The following LIN7C variants were observed in gnomAD, a reference collection of about 807,000 sequenced individuals.
LIN7C encodes the protein lin-7 cell polarity scaffold C.
LIN7C carries 17 observed loss-of-function variants against 24.7 expected under a neutral mutation model. That is an observed-to-expected ratio of 0.69 (90% CI 0.47 to 1.03). The LOEUF is 1.03. Among genes scored for constraint, LIN7C ranks in the 50% least tolerant of loss-of-function variants. The pLI is 0.00. For synonymous variants in LIN7C, 90 were observed against 83.4 expected, an observed-to-expected ratio of 1.08 and a Z score of -0.43; for missense variants, 204 against 239.0, an observed-to-expected ratio of 0.85 and a Z score of 0.97.
In LIN7C at chr11:27,496,816, CTAAAA is replaced by C; in HGVS notation, c.*1828_*1832del. Reference sequence around the variant, plus strand: ...AAAAGCTACTGCAGCTGTAGCTATACTAAAATAAGATTTCTTCAGGGTTTACTTAC... The same window carrying C: ...AAAAGCTACTGCAGCTGTAGCTATACTAAGATTTCTTCAGGGTTTACTTAC... On this transcript the variant is annotated 3_prime_UTR_variant, in exon 5 of 5. Transcript: ENST00000278193. The C allele has an allele frequency of 6.6e-6, 1 of 152,298 alleles. No homozygotes were observed. Among genetic ancestry groups the C allele is most frequent in the East Asian group, 1.9e-4 (1 of 5,188 alleles). The allele number at this position is 152,298 out of a possible 1,614,324, so 9.4% of individuals were successfully genotyped here.
At position 27,498,755 on chromosome 11, in the gene LIN7C, G is replaced by A. The variant is rs762939534; in HGVS notation, c.488C>T (p.Ala163Val). The change falls in exon 5 of 5, where the codon GCA becomes GTA. Residue 163 changes from alanine (A) to valine (V), a missense_variant. This residue lies in a region of LIN7C where 74 missense variants were observed against 99.6 expected (regional missense o/e 0.74). Transcript: ENST00000278193. Reference sequence around the variant, plus strand: ...TACCACTAATTTAACCTTTCCTTGTGCGGCTTTCAGCAGTTCTACAGCTTT... The same window carrying A: ...TACCACTAATTTAACCTTTCCTTGTACGGCTTTCAGCAGTTCTACAGCTTT... ...HEKAVELLKA[A>V]QGKVKLVVRY... 3 of 1,613,756 alleles carry A rather than the reference G, an allele frequency of 1.9e-6. No individual in the cohort carries two copies. Among genetic ancestry groups the A allele is most frequent in the South Asian group, 1.1e-5 (1 of 91,066 alleles).
rs1352447440 is a variant in LIN7C, at chr11:27,501,489, A to T, written c.228+6T>A. 6 of 1,577,664 alleles carry T rather than the reference A, an allele frequency of 3.8e-6. No homozygotes were observed. Among genetic ancestry groups the T allele is most frequent in the Non-Finnish European group, 4.3e-6 (5 of 1,162,962 alleles). ...ATTCTTACTTTTGGAAAACAAAAAAATTTACCTTTGCAGTAGCGTTCGCTC... is the reference window on the plus strand; with the variant it reads ...ATTCTTACTTTTGGAAAACAAAAAATTTTACCTTTGCAGTAGCGTTCGCTC... On this transcript the variant is annotated splice_donor_region_variant and intron_variant, in intron 3 of 4. Coordinates refer to ENST00000278193, the MANE Select transcript of LIN7C (RefSeq NM_018362.4).
At chr11:27,500,290 A>G (rs1421085020) in intron 3 of LIN7C, among the ~76,000 whole-genome samples, 1 of 152,136 alleles carries the variant, frequency 6.6e-6, no homozygotes, top group Non-Finnish European at 1.5e-5. Flanking sequence ...GCAGGACACA[A>G]CCTACCTATA....
chr11:27,503,322 G>A (rs1323740850), intron 1 of LIN7C, among the ~76,000 whole-genome samples: 1 of 152,108 alleles, frequency 6.6e-6, no homozygotes, highest in Non-Finnish European at 1.5e-5. Context: ...TCCAAAAACT[G>A]TTTTGGTATA....
intron 1 of LIN7C, among the ~76,000 whole-genome samples, chr11:27,505,514 C>T (rs980984319): frequency 4.6e-5 from 7 of 152,228 alleles, no homozygotes; most frequent in African/African-American, 1.7e-4. Context: ...CCCAGAGTAG[C>T]TAGTCCTCTA....
intron 1 of LIN7C, among the ~76,000 whole-genome samples, chr11:27,503,781 G>A (rs1157417446): frequency 6.6e-6 from 1 of 151,142 alleles, no homozygotes; most frequent in Non-Finnish European, 1.5e-5. Flanking sequence ...CAAGGTGCTG[G>A]GATTACAGGC....
At chr11:27,499,672 G>A (rs1590440831) in intron 3 of LIN7C, 104 bp from the exon 4 acceptor site, 2 of 990,680 alleles carry the variant, frequency 2.0e-6, no homozygotes, top group East Asian at 2.6e-5. Context: ...GCACAGGCTG[G>A]AGTGCAGTGG....
chr11:27,498,813 A>G lies in LIN7C; in HGVS notation c.439-9T>C. ...TGTTCTCCTTCAACACTCTAGGGGA[A>G]AAAAAAACAACCAACCATACACTAA... On this transcript the variant is annotated splice_polypyrimidine_tract_variant and intron_variant, in intron 4 of 4. Transcript: ENST00000278193. 1 of 1,606,070 alleles carries G rather than the reference A, an allele frequency of 6.2e-7. No homozygotes were observed. The highest frequency in any genetic ancestry group is 1.3e-5 in the African/African-American group (1 of 74,500).
Position 27,506,760 on chromosome 11 carries a change from C to T in LIN7C, c.-8G>A, listed in dbSNP as rs1865311945. ...TTCCCCTAGCGCCGCCATCTTCTCC[C>T]TTAACCTACAGACCCACAGGAAATG... is the stretch of plus-strand genomic sequence containing the variant. On this transcript the variant is annotated 5_prime_UTR_variant, in exon 1 of 5. Coordinates refer to ENST00000278193, the MANE Select transcript of LIN7C (RefSeq NM_018362.4). 3.1e-6 allele frequency: 5 copies of T among 1,613,926 alleles called. No homozygotes were observed. The highest frequency in any genetic ancestry group is 4.2e-6 in the Non-Finnish European group (5 of 1,179,942).
At chr11:27,499,232 T>C in intron 4 of LIN7C, 127 bp downstream of exon 4, 2 of 694,694 alleles carry the variant, frequency 2.9e-6, no homozygotes, top group Non-Finnish European at 4.9e-6. Flanking sequence ...ACTGTATTAA[T>C]AGTACTGCCT....
chr11:27,506,138 T>A (rs370301003), intron 1 of LIN7C, among the ~76,000 whole-genome samples: 1 of 152,368 alleles, frequency 6.6e-6, no homozygotes, highest in South Asian at 2.1e-4. Flanking sequence ...TCGGCTTACT[T>A]ACGTAACCTC....
Position 27,501,866 on chromosome 11 carries a change from G to A in LIN7C, c.92C>T (p.Pro31Leu). Residue 31 changes from proline to leucine, a missense_variant, in exon 2 of 5, where the codon CCA (proline) becomes CTA (leucine). Physicochemically the swap from Pro to Leu is moderately conservative, Grantham distance 98. Transcript: ENST00000278193. ...LEKLQRSGEVPPQKLQALQRV... is the reference protein window; with the variant it reads ...LEKLQRSGEVLPQKLQALQRV... The stretch of plus-strand genomic sequence containing the variant: ...TTGCAAAGCCTGAAGTTTCTGTGGT[G>A]GTACTTCTCCACTCCTTTGTAGTTT... 3 of 1,613,030 alleles carry A rather than the reference G, an allele frequency of 1.9e-6. No individual in the cohort carries two copies. The highest frequency in any genetic ancestry group is 1.7e-6 in the Non-Finnish European group (2 of 1,179,136).
At chr11:27,506,120 A>AC (rs376120228) in intron 1 of LIN7C, among the ~76,000 whole-genome samples, 137 of 152,370 alleles carry the variant, frequency 9.0e-4, no homozygotes, top group African/African-American at 3.2e-3. Flanking sequence ...TTTAGCATCT[A>AC]CCACTATTCG....
intron 4 of LIN7C, 69 bp from the exon 5 acceptor site, chr11:27,498,873 A>C: frequency 7.6e-7 from 1 of 1,323,834 alleles, no homozygotes; most frequent in South Asian, 1.3e-5. Flanking sequence ...AAATGCAAAA[A>C]TGTTTACAAT....
intron 3 of LIN7C, among the ~76,000 whole-genome samples, chr11:27,501,154 T>A (rs1047899713): frequency 6.6e-6 from 1 of 152,154 alleles, no homozygotes; most frequent in Non-Finnish European, 1.5e-5. Flanking sequence ...ATTCATATCT[T>A]AAAATTCTGA....
Position 27,496,707 on chromosome 11 carries a change from G to A in LIN7C, c.*1942C>T. 1 of 152,072 alleles carries A rather than the reference G, an allele frequency of 6.6e-6. No individual in the cohort carries two copies. The highest frequency in any genetic ancestry group is 1.9e-4 in the East Asian group (1 of 5,192). 9.4% of individuals were successfully genotyped at this position (152,072 alleles called of 1,614,324 possible). On this transcript the variant is annotated 3_prime_UTR_variant, in exon 5 of 5. Coordinates refer to ENST00000278193, the MANE Select transcript of LIN7C (RefSeq NM_018362.4). ...TACTAAAAGTTTCAACACCAAAAAAGATTTAACTTGGCTGAAAGTTCTGAA... is the reference window on the plus strand; with the variant it reads ...TACTAAAAGTTTCAACACCAAAAAAAATTTAACTTGGCTGAAAGTTCTGAA...
Position 27,506,664 on chromosome 11 carries a change from A to G in LIN7C, c.37+52T>C, listed in dbSNP as rs371180378. On this transcript the variant is annotated intron_variant, in intron 1 of 4. Coordinates refer to ENST00000278193, the MANE Select transcript of LIN7C (RefSeq NM_018362.4). Reference sequence around the variant, plus strand: ...CACTCCTCCTCCCCTCCAGCGACACAGCACTCCCCCAACCCTTCCGCCCAC... The same window carrying G: ...CACTCCTCCTCCCCTCCAGCGACACGGCACTCCCCCAACCCTTCCGCCCAC... The G allele has an allele frequency of 1.1e-4, 178 of 1,602,024 alleles. 1 individual carries two copies. The highest frequency in any genetic ancestry group is 2.3e-4 in the Admixed American group (14 of 59,890).
intron 1 of LIN7C, among the ~76,000 whole-genome samples, chr11:27,504,311 A>G (rs1865252513): frequency 6.6e-6 from 1 of 152,202 alleles, no homozygotes; most frequent in Non-Finnish European, 1.5e-5. Flanking sequence ...TTTCCAGTGA[A>G]GAAAAAAATG....
At position 27,506,721 on chromosome 11, in the gene LIN7C, T is replaced by C. The variant is rs1590447612; in HGVS notation, c.32A>G (p.Glu11Gly). The part of the protein sequence containing the change: MAALGEPVRL[E>G]RDICRAIELL... Reference sequence around the variant, plus strand: ...CGAGCCTCGGCTGCACTCACCTCTCTCCAGCCGCACGGGTTCCCCTAGCGC... The same window carrying C: ...CGAGCCTCGGCTGCACTCACCTCTCCCCAGCCGCACGGGTTCCCCTAGCGC... Residue 11 changes from glutamate to glycine, a missense_variant, in exon 1 of 5, where the codon GAG becomes GGG. By Grantham distance (98) the Glu-to-Gly change is moderately conservative. Coordinates refer to ENST00000278193, the MANE Select transcript of LIN7C (RefSeq NM_018362.4). 3 of 1,613,296 alleles carry C rather than the reference T, an allele frequency of 1.9e-6. No individual in the cohort carries two copies. The highest frequency in any genetic ancestry group is 2.2e-5 in the South Asian group (2 of 91,050).
Sources: gnomAD v4.1 joint callset for allele counts (sites outside exome capture counted in the v4.1 genomes callset) on GRCh38, gnomAD v4.1.1 for gene constraint, gnomAD v4.1.1 regional missense constraint, MANE v1.5 for transcripts, NCBI Gene and HGNC (gene_info 2026-07-23, HGNC 2026-07-21) for gene names.